Variants in VWA3A observed in about 807,000 individuals in gnomAD.
VWA3A encodes von Willebrand factor A domain containing 3A, also known as von Willebrand factor A domain-containing protein 3A.
In VWA3A, 134 loss-of-function variants were observed where a neutral mutation model predicts 160.4. The ratio of observed to expected loss-of-function variants is 0.84; its 90% confidence interval spans 0.73 to 0.96. The LOEUF (loss-of-function observed/expected upper bound fraction) is 0.96, where lower values mean the gene tolerates loss of function less well. Ranked by LOEUF, VWA3A falls within the 40% of genes least tolerant of loss-of-function variation. VWA3A has a pLI of 0.00. For missense variants in VWA3A, 1,310 were observed against 1,447.9 expected (o/e 0.90, Z 1.55); for synonymous variants, 476 against 543.4 (o/e 0.88, Z 1.72).
chr16:22,094,238 C>T (rs924209307), intron 1 of VWA3A, among the ~76,000 whole-genome samples: 3 of 151,916 alleles, frequency 2.0e-5, no homozygotes, highest in East Asian at 1.9e-4. Context: ...CACTATGGGG[C>T]GGCCAGTGTT....
chr16:22,117,170 G>T lies in VWA3A; in HGVS notation c.984G>T (p.Lys328Asn). ...GCTACTACCACTGCTACAGCCCAAAGATGGAGGTAAGCCCTTCTGTCAACA... is the reference window on the plus strand; with the variant it reads ...GCTACTACCACTGCTACAGCCCAAATATGGAGGTAAGCCCTTCTGTCAACA... ...VRGYYHCYSP[K>N]MEHYTSRDMD... The change falls in exon 11 of 34, where the codon AAG (lysine) becomes AAT (asparagine). Residue 328 changes from lysine (K) to asparagine (N), a missense_variant. By Grantham distance (94) the Lys-to-Asn change is moderately conservative. Coordinates refer to ENST00000389398, the MANE Select transcript of VWA3A (RefSeq NM_173615.5). The T allele has an allele frequency of 1.3e-6, 2 of 1,579,016 alleles. No individual in the cohort carries two copies.
chr16:22,117,182 C>G lies in VWA3A; in HGVS notation c.990+6C>G. The stretch of plus-strand genomic sequence containing the variant: ...GCTACAGCCCAAAGATGGAGGTAAG[C>G]CCTTCTGTCAACACATGGCCCCTCT... On this transcript the variant is annotated splice_donor_region_variant and intron_variant, in intron 11 of 33. Coordinates refer to ENST00000389398, the MANE Select transcript of VWA3A (RefSeq NM_173615.5). 1 of 1,574,388 alleles carries G rather than the reference C, an allele frequency of 6.4e-7. No homozygotes were observed.
chr16:22,106,376 C>T (rs999796128), intron 6 of VWA3A, among the ~76,000 whole-genome samples: 4 of 151,986 alleles, frequency 2.6e-5, no homozygotes, highest in Non-Finnish European at 5.9e-5. Flanking sequence ...CAGAGTGAGA[C>T]TCCCTCTCAA....
intron 7 of VWA3A, 137 bp downstream of exon 7, chr16:22,109,717 C>A: frequency 2.9e-6 from 2 of 700,464 alleles, no homozygotes; most frequent in Non-Finnish European, 4.8e-6. Context: ...ACTTAATTAG[C>A]ACCTGTGGTT....
At chr16:22,102,421 A>G (rs1429385150) in intron 5 of VWA3A, among the ~76,000 whole-genome samples, 2 of 152,150 alleles carry the variant, frequency 1.3e-5, no homozygotes, top group African/African-American at 4.8e-5. Context: ...TGTATCCCTT[A>G]TGACTCTATC....
chr16:22,113,866 T>G (rs1209249812), intron 8 of VWA3A, among the ~76,000 whole-genome samples: 2 of 152,156 alleles, frequency 1.3e-5, no homozygotes, highest in Non-Finnish European at 2.9e-5. Flanking sequence ...CCCAAAGTGC[T>G]GGGATTGCCG....
At chr16:22,133,811 G>C (rs2045991659) in intron 20 of VWA3A, among the ~76,000 whole-genome samples, 1 of 151,874 alleles carries the variant, frequency 6.6e-6, no homozygotes, top group Non-Finnish European at 1.5e-5. Context: ...GCAAGATTCT[G>C]CCTTTACAAA....
rs778398321 is a variant in VWA3A at position 22,149,868 on chromosome 16, G to C, written c.3066G>C (p.Glu1022Asp). Residue 1022 changes from glutamate to aspartate, a missense_variant, in exon 29 of 34, where the codon GAG (glutamate) becomes GAC (aspartate). Transcript: ENST00000389398. ...AGACCACAGATGCAGCGTGTCATGA[G>C]GCTATGCAATGGGTGACCCACCTGC... ...LVETTDAACH[E>D]AMQWVTHLQA... is the part of the protein sequence containing the mutation. The C allele has an allele frequency of 5.6e-6, 9 of 1,612,640 alleles. No individual in the cohort carries two copies. In the South Asian group the frequency reaches 9.9e-5, roughly 18 times the overall value.
chr16:22,124,208 A>AAAC, intron 16 of VWA3A, among the ~76,000 whole-genome samples: 1 of 150,256 alleles, frequency 6.7e-6, no homozygotes, highest in African/African-American at 2.4e-5. Flanking sequence ...AAAAAAAAAA[A>AAAC]AAATCACACC....
intron 25 of VWA3A, among the ~76,000 whole-genome samples, chr16:22,143,122 C>CCTGGGTG (rs199666183): frequency 0.037 from 5,494 of 150,100 alleles, 346 homozygotes; most frequent in African/African-American, 0.13. Context: ...TGCACTCCAG[C>CCTGGGTG]CTGGGTGACA....
At chr16:22,118,530 C>CA (rs769208315) in intron 11 of VWA3A, among the ~76,000 whole-genome samples, 2 of 151,938 alleles carry the variant, frequency 1.3e-5, no homozygotes, top group Non-Finnish European at 2.9e-5. Flanking sequence ...CTAAAAATAA[C>CA]AAAAAATTAG....
chr16:22,108,275 G>C (rs953746184), intron 6 of VWA3A, among the ~76,000 whole-genome samples: 1 of 152,168 alleles, frequency 6.6e-6, no homozygotes, highest in African/African-American at 2.4e-5. Context: ...CTGTTTGTAT[G>C]GTGATGGAAA....
chr16:22,119,174 G>T (rs1463097137), intron 12 of VWA3A, 147 bp downstream of exon 12: 1 of 450,758 alleles, frequency 2.2e-6, no homozygotes, highest in East Asian at 9.7e-5. Context: ...ACCCTCCATT[G>T]CACCCCAGAG....
chr16:22,110,857 T>C (rs1205458496), intron 7 of VWA3A, 31 bp from the exon 8 acceptor site: 4 of 1,570,920 alleles, frequency 2.5e-6, no homozygotes, highest in Admixed American at 3.8e-5. Flanking sequence ...CCCCTGGCTG[T>C]GGGAGCCAGT....
chr16:22,142,876 C>A, intron 25 of VWA3A, 111 bp downstream of exon 25: 1 of 776,920 alleles, frequency 1.3e-6, no homozygotes, highest in South Asian at 1.6e-5. Context: ...ACAAGCCAGG[C>A]ACAGTGACTC....
chr16:22,103,353 C>T, intron 5 of VWA3A, 122 bp from the exon 6 acceptor site: 1 of 892,540 alleles, frequency 1.1e-6, no homozygotes. Flanking sequence ...CACCTTCTTC[C>T]AAGAACCTAT....
chr16:22,123,196 G>A, intron 15 of VWA3A, 31 bp downstream of exon 15: 2 of 1,571,810 alleles, frequency 1.3e-6, no homozygotes, highest in Non-Finnish European at 1.7e-6. Context: ...GTCAGAAAAT[G>A]GGGTGCAGAA....
At chr16:22,134,279 C>T in intron 20 of VWA3A, 89 bp from the exon 21 acceptor site, 1 of 1,104,868 alleles carries the variant, frequency 9.1e-7, no homozygotes, top group East Asian at 2.6e-5. Context: ...CAAGTCACCT[C>T]CAGGTGGCTT....
chr16:22,112,767 G>A (rs538701879), intron 8 of VWA3A, among the ~76,000 whole-genome samples: 1 of 152,294 alleles, frequency 6.6e-6, no homozygotes, highest in African/African-American at 2.4e-5. Context: ...TAGATTTCTA[G>A]GACGGAGGCC....
Sources: gnomAD v4.1 joint callset for allele counts (sites outside exome capture counted in the v4.1 genomes callset) on GRCh38, gnomAD v4.1.1 for gene constraint, MANE v1.5 for transcripts, NCBI Gene and HGNC (gene_info 2026-07-23, HGNC 2026-07-21) for gene names.